The following RIPOR3 variants were observed in gnomAD, a reference collection of about 807,000 sequenced individuals.
RIPOR3 encodes RIPOR family member 3, also known as family with sequence similarity 65 member C.
A neutral mutation model predicts 114.3 loss-of-function variants in RIPOR3; 95 were observed. That is an observed-to-expected ratio of 0.83 (90% CI 0.70 to 0.99). The LOEUF (loss-of-function observed/expected upper bound fraction) is 0.99, where lower values mean the gene tolerates loss of function less well. Among genes scored for constraint, RIPOR3 ranks in the 50% least tolerant of loss-of-function variants. The probability of loss-of-function intolerance (pLI) is 0.00; values close to 1 mark genes in which losing one functional copy is unlikely to be tolerated. For missense variants in RIPOR3, 1,252 were observed against 1,266.9 expected, an observed-to-expected ratio of 0.99 and a Z score of 0.18; for synonymous variants, 575 against 543.8, an observed-to-expected ratio of 1.06 and a Z score of -0.80.
At chr20:50,612,437 A>C (rs2084010224) in intron 4 of RIPOR3, among the ~76,000 whole-genome samples, 1 of 152,144 alleles carries the variant, frequency 6.6e-6, no homozygotes, top group African/African-American at 2.4e-5. Flanking sequence ...TAGTGACTCT[A>C]ATTTTCACTG....
chr20:50,637,529 T>G (rs1436078943), intron 1 of RIPOR3, among the ~76,000 whole-genome samples: 1 of 152,132 alleles, frequency 6.6e-6, no homozygotes, highest in Admixed American at 6.6e-5. Flanking sequence ...CTCAAGAATC[T>G]TCGCTCCAGG....
At chr20:50,589,433 C>T (rs972666266) in intron 20 of RIPOR3, among the ~76,000 whole-genome samples, 2 of 152,142 alleles carry the variant, frequency 1.3e-5, no homozygotes, top group Non-Finnish European at 2.9e-5. Context: ...GGACTACAGG[C>T]ATGTGCCACC....
chr20:50,588,304 G>A (rs2082989743), intron 20 of RIPOR3, among the ~76,000 whole-genome samples: 1 of 151,654 alleles, frequency 6.6e-6, no homozygotes, highest in African/African-American at 2.4e-5. Context: ...GCCAAGGACC[G>A]GCATGCGCTG....
intron 1 of RIPOR3, among the ~76,000 whole-genome samples, chr20:50,653,614 A>G (rs1424377680): frequency 6.8e-6 from 1 of 147,896 alleles, no homozygotes; most frequent in Non-Finnish European, 1.5e-5. Context: ...TTTTCGAGAC[A>G]GGGTCTCCCT....
chr20:50,615,113 G>A (rs1475724834), intron 4 of RIPOR3, among the ~76,000 whole-genome samples: 1 of 134,394 alleles, frequency 7.4e-6, no homozygotes, highest in Admixed American at 7.3e-5. Context: ...TTGTGAGTGT[G>A]TGTGTGTGTG....
At chr20:50,604,180 C>T (rs1425822731) in intron 12 of RIPOR3, among the ~76,000 whole-genome samples, 11 of 147,662 alleles carry the variant, frequency 7.4e-5, no homozygotes, top group African/African-American at 1.5e-4. Flanking sequence ...AGCGAAACTC[C>T]GTCTCAAAAA....
In RIPOR3 at chr20:50,602,919, A is replaced by G. The variant is rs776937626; in HGVS notation, c.1087-275T>C. Among the ~76,000 whole-genome samples, 5 of 151,948 alleles carry G rather than the reference A, an allele frequency of 3.3e-5. No individual in the cohort carries two copies. Among genetic ancestry groups the G allele is most frequent in the Non-Finnish European group, 7.4e-5 (5 of 67,972 alleles). ...GGGCTGGGCCCCACGTTCCTGCCTCAGGGCCTTTGCACTGACTGTGCTCTC... is the reference window on the plus strand; with the variant it reads ...GGGCTGGGCCCCACGTTCCTGCCTCGGGGCCTTTGCACTGACTGTGCTCTC... On this transcript the variant is annotated intron_variant, in intron 12 of 21. Coordinates refer to ENST00000327979, the MANE Select transcript of RIPOR3 (RefSeq NM_001290268.2). This position sits in a 1 kb window ranked among gnomAD's most constrained non-coding sequence, Gnocchi z 4.3.
chr20:50,673,996 A>G (rs766468490), intron 1 of RIPOR3, among the ~76,000 whole-genome samples: 2 of 152,200 alleles, frequency 1.3e-5, no homozygotes, highest in African/African-American at 4.8e-5. Flanking sequence ...CATGCACAGG[A>G]GTCATGCTGC....
intron 1 of RIPOR3, among the ~76,000 whole-genome samples, chr20:50,635,941 A>G (rs2084970671): frequency 6.6e-6 from 1 of 152,224 alleles, no homozygotes; most frequent in African/African-American, 2.4e-5. Flanking sequence ...CTGCCAAGCT[A>G]GAAAGATAGC....
At position 50,627,553 on chromosome 20, in the gene RIPOR3, C is replaced by T. The variant is rs182623432; in HGVS notation, c.122+3185G>A. 1.6e-3 allele frequency among the ~76,000 whole-genome samples: 243 copies of T among 149,808 alleles called. 18 individuals are homozygous for T. The highest frequency in any genetic ancestry group is 5.8e-3 in the African/African-American group (231 of 39,920). ...CAAAAATTAGCCGGGCGTGGTGGCA[C>T]GCTCCTGTAATCCCAGCTACTCAGG... On this transcript the variant is annotated intron_variant, in intron 2 of 21. Transcript: ENST00000327979.
rs151268680 is a variant in RIPOR3, at chr20:50,629,724, G to A, written c.122+1014C>T. ...CTCGTGGTTCCTTCCCGACAGCCCC[G>A]TGAGCAGGGTGCACCCACAATTCCC... On this transcript the variant is annotated intron_variant, in intron 2 of 21. Coordinates refer to ENST00000327979, the MANE Select transcript of RIPOR3 (RefSeq NM_001290268.2). Among the ~76,000 whole-genome samples the A allele has an allele frequency of 5.9e-5, 9 of 152,232 alleles. No individual in the cohort carries two copies. The East Asian group carries it at 1.2e-3, about 20-fold the overall frequency.
chr20:50,663,235 C>A (rs779539254), intron 1 of RIPOR3, among the ~76,000 whole-genome samples: 21 of 152,124 alleles, frequency 1.4e-4, no homozygotes, highest in Admixed American at 3.9e-4. Context: ...GCACCTCTGT[C>A]CTTCAGCAAG....
intron 2 of RIPOR3, among the ~76,000 whole-genome samples, chr20:50,624,276 G>A (rs1451268933): frequency 1.3e-5 from 2 of 152,236 alleles, no homozygotes; most frequent in Non-Finnish European, 1.5e-5. Flanking sequence ...GAGGCTGGCA[G>A]AGACGGTCAG....
At chr20:50,608,278 G>T (rs1052941553) in intron 11 of RIPOR3, 111 bp downstream of exon 11, 10 of 1,489,878 alleles carry the variant, frequency 6.7e-6, no homozygotes, top group East Asian at 2.3e-5. Context: ...ACCCGTGAGG[G>T]CAGGGACACC....
chr20:50,596,347 A>C (rs967132536), intron 14 of RIPOR3, 84 bp from the exon 15 acceptor site: 11 of 1,584,086 alleles, frequency 6.9e-6, no homozygotes, highest in Middle Eastern at 1.7e-4. Flanking sequence ...CTTCCCAGCG[A>C]GCCCCAGGTC....
chr20:50,591,218 T>G (rs1396377824), intron 19 of RIPOR3, among the ~76,000 whole-genome samples: 1 of 152,254 alleles, frequency 6.6e-6, no homozygotes, highest in Non-Finnish European at 1.5e-5. Flanking sequence ...TGCTTGAGGC[T>G]TGGAAATTTG....
At chr20:50,589,067 A>AC (rs2083022634) in intron 20 of RIPOR3, among the ~76,000 whole-genome samples, 1 of 136,536 alleles carries the variant, frequency 7.3e-6, no homozygotes, top group African/African-American at 2.7e-5. Context: ...GGGTGACAGA[A>AC]CAAGACTCCA....
chr20:50,616,140 A>G, intron 3 of RIPOR3, 60 bp from the exon 4 acceptor site: 1 of 1,533,918 alleles, frequency 6.5e-7, no homozygotes, highest in Non-Finnish European at 8.9e-7. Context: ...GAAAGGAAGT[A>G]GGCCAAATGG....
At chr20:50,588,405 T>A (rs1418204398) in intron 20 of RIPOR3, among the ~76,000 whole-genome samples, 2 of 152,386 alleles carry the variant, frequency 1.3e-5, no homozygotes, top group African/African-American at 4.8e-5. Flanking sequence ...CATCCCAGAA[T>A]GAATGGGAGT....
Sources: allele counts gnomAD v4.1 joint callset (sites outside exome capture counted in the v4.1 genomes callset), GRCh38; gene constraint gnomAD v4.1.1; non-coding constraint Gnocchi (gnomAD v3.1); transcripts MANE v1.5; gene names NCBI Gene and HGNC (gene_info 2026-07-23, HGNC 2026-07-21).